KCNQ1: variants seen among roughly 807,000 people sequenced by gnomAD.
The protein encoded by KCNQ1 is potassium voltage-gated channel subfamily Q member 1.
In KCNQ1, 49 loss-of-function variants were observed where a neutral mutation model predicts 72.4. The observed-to-expected ratio is 0.68, with a 90% CI of 0.54 to 0.86. KCNQ1 has a LOEUF of 0.86. Among genes scored for constraint, KCNQ1 ranks in the 40% least tolerant of loss-of-function variants. The pLI is 0.00. For synonymous variants in KCNQ1, 450 were observed against 412.6 expected (o/e 1.09, Z -1.10); for missense variants, 790 against 945.1 (o/e 0.84, Z 2.15).
At chr11:2,641,715 A>G (rs146547539) in intron 10 of KCNQ1, 47 of 398,462 alleles carry the variant, frequency 1.2e-4, no homozygotes, top group African/African-American at 7.6e-4. Flanking sequence ...CCCTAGACCA[A>G]TGTCCTAAAG....
In KCNQ1 at chr11:2,657,989, T is replaced by C; in HGVS notation, c.1394-3972T>C. On this transcript the variant is annotated intron_variant, in intron 10 of 15. Coordinates refer to ENST00000155840, the MANE Select transcript of KCNQ1 (RefSeq NM_000218.3). The surrounding 1 kb of genome is among the most constrained non-coding windows in gnomAD (Gnocchi z 4.8). The stretch of plus-strand genomic sequence containing the variant: ...AGTGGTGTCGGCCAGGCTCCTCCAC[T>C]GTAAGTGAATAGCTGTTTTTCCCTT... 2.5e-6 allele frequency: 1 copy of C among 398,614 alleles called. No homozygotes were observed. Among genetic ancestry groups the C allele is most frequent in the Non-Finnish European group, 4.4e-6 (1 of 226,046 alleles). The allele number at this position is 398,614 out of a possible 1,614,324, so 24.7% of individuals were successfully genotyped here.
chr11:2,723,759 C>A lies in KCNQ1; in HGVS notation c.1515-45085C>A, dbSNP rs2133932967. On this transcript the variant is annotated intron_variant, in intron 11 of 15. Transcript: ENST00000155840. The surrounding 1 kb of genome is among the most constrained non-coding windows in gnomAD (Gnocchi z 4.2). ...TCTCCTCTACTAGCTAGTGGGGCCTCACTAACCGCTGGTGGCCGCAGGGTT... is the reference window on the plus strand; with the variant it reads ...TCTCCTCTACTAGCTAGTGGGGCCTAACTAACCGCTGGTGGCCGCAGGGTT... Among the ~76,000 whole-genome samples the A allele has an allele frequency of 6.6e-6, 1 of 152,322 alleles. No individual in the cohort carries two copies. Among genetic ancestry groups the A allele is most frequent in the Admixed American group, 6.5e-5 (1 of 15,306 alleles).
chr11:2,635,930 A>C (rs1410688598), intron 10 of KCNQ1: 1 of 152,054 alleles, frequency 6.6e-6, no homozygotes, highest in Non-Finnish European at 1.5e-5. Flanking sequence ...TAGGTATTTT[A>C]TTCTCTTTGA....
chr11:2,843,297 C>T (rs1426935456), intron 15 of KCNQ1, among the ~76,000 whole-genome samples: 1 of 152,356 alleles, frequency 6.6e-6, no homozygotes, highest in African/African-American at 2.4e-5. Flanking sequence ...ACACAGGAGC[C>T]GGGTCTGACA....
chr11:2,732,852 T>C (rs1845878233), intron 11 of KCNQ1, among the ~76,000 whole-genome samples: 1 of 151,730 alleles, frequency 6.6e-6, no homozygotes, highest in African/African-American at 2.4e-5. Flanking sequence ...ACCCCTGCCC[T>C]GGCGGTCTCC....
rs1429189734 is a variant in KCNQ1 at position 2,762,421 on chromosome 11, G to A, written c.1515-6423G>A. ...GGATCATGGTTGACATACTTTCACA[G>A]GTGCATCCACATTGTTCCAGCACCC... On this transcript the variant is annotated intron_variant, in intron 11 of 15. Transcript: ENST00000155840. The surrounding 1 kb of genome is among the most constrained non-coding windows in gnomAD (Gnocchi z 4.3). 6.6e-6 allele frequency among the ~76,000 whole-genome samples: 1 copy of A among 152,164 alleles called. No individual in the cohort carries two copies. The highest frequency in any genetic ancestry group is 1.5e-5 in the Non-Finnish European group (1 of 68,040).
intron 10 of KCNQ1, chr11:2,609,810 C>A: frequency 2.5e-6 from 1 of 398,156 alleles, no homozygotes; most frequent in South Asian, 1.3e-4. Context: ...AATTTAAAAT[C>A]TCCTTTGACT....
At chr11:2,656,489 G>C (rs571827063) in intron 10 of KCNQ1, 1 of 398,660 alleles carries the variant, frequency 2.5e-6, no homozygotes, top group Non-Finnish European at 4.4e-6. Context: ...TCGCCCCCAC[G>C]GGCCATGAGC....
rs1213746080 is a variant in KCNQ1 at position 2,712,871 on chromosome 11, G to A, written c.1514+50790G>A. On this transcript the variant is annotated intron_variant, in intron 11 of 15. Transcript: ENST00000155840. This position sits in a 1 kb window ranked among gnomAD's most constrained non-coding sequence, Gnocchi z 6.4. ...CTGGACACAGGGAGGAGGCAGCATGGGAAATGGAAGGACTGCAGCCCCCGC... is the reference window on the plus strand; with the variant it reads ...CTGGACACAGGGAGGAGGCAGCATGAGAAATGGAAGGACTGCAGCCCCCGC... Among the ~76,000 whole-genome samples, 1 of 152,168 alleles carries A rather than the reference G, an allele frequency of 6.6e-6. No individual in the cohort carries two copies. The highest frequency in any genetic ancestry group is 1.5e-5 in the Non-Finnish European group (1 of 68,026).
chr11:2,521,029 T>TTGCTTGC (rs111427270), intron 1 of KCNQ1, among the ~76,000 whole-genome samples: 3 of 151,092 alleles, frequency 2.0e-5, no homozygotes, highest in African/African-American at 7.3e-5. Flanking sequence ...TCTATGAATG[T>TTGCTTGC]TGTTTGCTTT....
intron 11 of KCNQ1, among the ~76,000 whole-genome samples, chr11:2,753,543 A>G (rs1002788855): frequency 6.6e-6 from 1 of 152,206 alleles, no homozygotes; most frequent in African/African-American, 2.4e-5. Flanking sequence ...AGTACCTGCC[A>G]CCTGGGAGTG....
Position 2,647,969 on chromosome 11 carries a change from T to G in KCNQ1, c.1394-13992T>G. ...TGGCTCACACCTGTAAACCCAGTAC[T>G]TTGGAAGGCCAAGGCAGGCCGATCG... On this transcript the variant is annotated intron_variant, in intron 10 of 15. Coordinates refer to ENST00000155840, the MANE Select transcript of KCNQ1 (RefSeq NM_000218.3). This position sits in a 1 kb window ranked among gnomAD's most constrained non-coding sequence, Gnocchi z 4.0. 1 of 398,144 alleles carries G rather than the reference T, an allele frequency of 2.5e-6. No individual in the cohort carries two copies. The highest frequency in any genetic ancestry group is 3.6e-5 in the East Asian group (1 of 28,068). 24.7% of individuals were successfully genotyped at this position (398,144 alleles called of 1,614,324 possible).
In KCNQ1 at chr11:2,824,658, A is replaced by G. The variant is rs761102458; in HGVS notation, c.1795-23109A>G. Reference sequence around the variant, plus strand: ...GAGAGGAGAGAGTGAGAATGGGGCCACTCAAGGGGTGAACAGGGCCTTGCA... The same window carrying G: ...GAGAGGAGAGAGTGAGAATGGGGCCGCTCAAGGGGTGAACAGGGCCTTGCA... On this transcript the variant is annotated intron_variant, in intron 15 of 15. Transcript: ENST00000155840. The surrounding 1 kb of genome is among the most constrained non-coding windows in gnomAD (Gnocchi z 5.9). Among the ~76,000 whole-genome samples, 1 of 152,004 alleles carries G rather than the reference A, an allele frequency of 6.6e-6. No homozygotes were observed. Among genetic ancestry groups the G allele is most frequent in the Non-Finnish European group, 1.5e-5 (1 of 67,998 alleles).
At chr11:2,757,196 T>C (rs1846318218) in intron 11 of KCNQ1, among the ~76,000 whole-genome samples, 1 of 152,144 alleles carries the variant, frequency 6.6e-6, no homozygotes, top group African/African-American at 2.4e-5. Flanking sequence ...GAATTGTCTA[T>C]ATAGAAAATC....
intron 2 of KCNQ1, among the ~76,000 whole-genome samples, chr11:2,539,050 C>T (rs1297313381): frequency 6.6e-6 from 1 of 152,146 alleles, no homozygotes; most frequent in African/African-American, 2.4e-5. Context: ...TCAAGGGAGG[C>T]GGTCTCAGCC....
At chr11:2,646,852 A>T (rs1849673675) in intron 10 of KCNQ1, 1 of 398,588 alleles carries the variant, frequency 2.5e-6, no homozygotes, top group Non-Finnish European at 4.4e-6. Context: ...TTATCCTGCA[A>T]CTTTATTGAA....
rs960260172 is a variant in KCNQ1, at chr11:2,475,364, G to A, written c.386+29880G>A. Among the ~76,000 whole-genome samples the A allele has an allele frequency of 3.9e-5, 6 of 152,158 alleles. No homozygotes were observed. The highest frequency in any genetic ancestry group is 1.3e-4 in the Admixed American group (2 of 15,274). The stretch of plus-strand genomic sequence containing the variant: ...GTGGTCTGTGGTGTGGATGGACTAC[G>A]TGCAGCTGTCTCTGCCTTTGGCTGT... On this transcript the variant is annotated intron_variant, in intron 1 of 15. Coordinates refer to ENST00000155840, the MANE Select transcript of KCNQ1 (RefSeq NM_000218.3). This position sits in a 1 kb window ranked among gnomAD's most constrained non-coding sequence, Gnocchi z 5.8.
chr11:2,458,747 A>T lies in KCNQ1; in HGVS notation c.386+13263A>T, dbSNP rs746711064. ...AGTTTACTGGAAATACTCGGGCCAG[A>T]GGAACGCGCTAAATGATACTACAGG... On this transcript the variant is annotated intron_variant, in intron 1 of 15. Transcript: ENST00000155840. The surrounding 1 kb of genome is among the most constrained non-coding windows in gnomAD (Gnocchi z 4.6). Among the ~76,000 whole-genome samples, 2 of 152,300 alleles carry T rather than the reference A, an allele frequency of 1.3e-5. No individual in the cohort carries two copies. The highest frequency in any genetic ancestry group is 3.4e-3 in the Middle Eastern group (1 of 294).
At chr11:2,797,505 G>A (rs927685913) in intron 15 of KCNQ1, among the ~76,000 whole-genome samples, 53 of 152,128 alleles carry the variant, frequency 3.5e-4, no homozygotes, top group Non-Finnish European at 2.2e-4. Context: ...GCAGACTCCC[G>A]TGGCTGTACC....
Sources: gnomAD v4.1 joint callset for allele counts (sites outside exome capture counted in the v4.1 genomes callset) on GRCh38, gnomAD v4.1.1 for gene constraint, Gnocchi (gnomAD v3.1) non-coding constraint, MANE v1.5 for transcripts, NCBI Gene and HGNC (gene_info 2026-07-23, HGNC 2026-07-21) for gene names.